The following USP15 variants were observed in gnomAD, a reference collection of about 807,000 sequenced individuals.
The protein encoded by USP15 is ubiquitin specific peptidase 15.
A neutral mutation model predicts 127.1 loss-of-function variants in USP15; 18 were observed. The ratio of observed to expected loss-of-function variants is 0.14; its 90% confidence interval spans 0.10 to 0.21. USP15 has a LOEUF of 0.21. Among genes scored for constraint, USP15 ranks in the 10% least tolerant of loss-of-function variants. The probability of loss-of-function intolerance (pLI) is 1.00; values close to 1 mark genes in which losing one functional copy is unlikely to be tolerated. For synonymous variants in USP15, 364 were observed against 393.7 expected (o/e 0.92, Z 0.89); for missense variants, 805 against 1,159.9 (o/e 0.69, Z 4.44).
intron 6 of USP15, among the ~76,000 whole-genome samples, chr12:62,341,021 A>G (rs1433587379): frequency 1.3e-5 from 2 of 152,156 alleles, no homozygotes; most frequent in Non-Finnish European, 2.9e-5. Context: ...GTCTCTTTCT[A>G]GGTCTCTAAG....
Position 62,384,283 on chromosome 12 carries a change from C to T in USP15, c.1454C>T (p.Pro485Leu), listed in dbSNP as rs1422151086. The T allele has an allele frequency of 3.7e-6, 6 of 1,606,938 alleles. No homozygotes were observed. Among genetic ancestry groups the T allele is most frequent in the African/African-American group, 2.7e-5 (2 of 73,948 alleles). The change falls in exon 11 of 22, where the codon CCA becomes CTA. Residue 485 changes from proline (P) to leucine (L), a missense_variant. Around this residue, in one of 11 missense-constraint regions of USP15, gnomAD observed 82 missense variants for 104.4 expected, o/e 0.79. Coordinates refer to ENST00000280377, the MANE Select transcript of USP15 (RefSeq NM_001252078.2). ...GAAGTTTACTTAGTTAGAATGGATC[C>T]ACTTACCAAACCTATGCAGGTAAAT... Reference protein sequence around the residue: ...TLEVYLVRMDPLTKPMQYKVV... With the variant: ...TLEVYLVRMDLLTKPMQYKVV...
intron 8 of USP15, among the ~76,000 whole-genome samples, chr12:62,373,158 A>G (rs1361812835): frequency 1.3e-5 from 2 of 152,012 alleles, no homozygotes; most frequent in Admixed American, 6.6e-5. Context: ...GGCTTTCAAT[A>G]TGAAAATTAA....
At position 62,389,535 on chromosome 12, in the gene USP15, A is replaced by G. The variant is rs371092343; in HGVS notation, c.1557+21A>G. On this transcript the variant is annotated intron_variant, in intron 12 of 21. Coordinates refer to ENST00000280377, the MANE Select transcript of USP15 (RefSeq NM_001252078.2). ...ATAAGGTAAGATGTTTCTGGGGTTG[A>G]AGTATATAAGTTGGTATTTAGTTTC... The G allele has an allele frequency of 6.9e-5, 111 of 1,612,348 alleles. No individual in the cohort carries two copies. In the African/African-American group the frequency reaches 1.4e-3, roughly 21 times the overall value.
intron 1 of USP15, chr12:62,274,096 A>AC (rs2063411636): frequency 6.6e-6 from 1 of 152,076 alleles, no homozygotes; most frequent in Non-Finnish European, 1.5e-5. Flanking sequence ...AGAACACTGA[A>AC]CTTTAGAGTC....
At chr12:62,318,458 G>A (rs2064896189) in intron 4 of USP15, among the ~76,000 whole-genome samples, 1 of 152,046 alleles carries the variant, frequency 6.6e-6, no homozygotes, top group African/African-American at 2.4e-5. Flanking sequence ...CTCTTCACTT[G>A]GCTTCCTGGG....
At chr12:62,399,370 C>G (rs1418063569) in intron 20 of USP15, among the ~76,000 whole-genome samples, 1 of 152,138 alleles carries the variant, frequency 6.6e-6, no homozygotes, top group African/African-American at 2.4e-5. Flanking sequence ...TGATTTTTAA[C>G]CAGAGTTCAT....
intron 3 of USP15, among the ~76,000 whole-genome samples, chr12:62,304,350 ATGTTCATGTGC>A (rs1288942535): frequency 2.6e-5 from 4 of 152,194 alleles, no homozygotes; most frequent in Non-Finnish European, 1.5e-5. Flanking sequence ...TAGTTTGCAA[ATGTTCATGTGC>A]TATATTACAT....
At chr12:62,400,550 C>T (rs550346871) in intron 20 of USP15, among the ~76,000 whole-genome samples, 2 of 147,734 alleles carry the variant, frequency 1.4e-5, no homozygotes, top group East Asian at 3.9e-4. Context: ...TTCAGGGACG[C>T]AGAACCCATG....
At chr12:62,398,940 A>G (rs1399041242) in intron 20 of USP15, among the ~76,000 whole-genome samples, 1 of 152,202 alleles carries the variant, frequency 6.6e-6, no homozygotes, top group African/African-American at 2.4e-5. Flanking sequence ...AATTATACTT[A>G]TGTTCATAAT....
At chr12:62,361,413 G>A (rs552174234) in intron 8 of USP15, among the ~76,000 whole-genome samples, 1 of 151,914 alleles carries the variant, frequency 6.6e-6, no homozygotes, top group African/African-American at 2.4e-5. Context: ...ACATAATAGA[G>A]ATCTTAGAGA....
At chr12:62,260,940 C>G (rs1214946278) in intron 1 of USP15, among the ~76,000 whole-genome samples, 1 of 152,200 alleles carries the variant, frequency 6.6e-6, no homozygotes, top group East Asian at 1.9e-4. Context: ...TTGTCGGCGT[C>G]CAAGTTCCCT....
In USP15 at chr12:62,268,032, A is replaced by G. The variant is rs144905268; in HGVS notation, c.89+7529A>G. Among the ~76,000 whole-genome samples, 34 of 152,252 alleles carry G rather than the reference A, an allele frequency of 2.2e-4. No homozygotes were observed. The East Asian group carries it at 6.0e-3, about 27-fold the overall frequency. On this transcript the variant is annotated intron_variant, in intron 1 of 21. Transcript: ENST00000280377. Reference sequence around the variant, plus strand: ...TTTAATTCTCAGGAGAGATGTAGCTAAGTATTTATATGTACCACATAGTTG... The same window carrying G: ...TTTAATTCTCAGGAGAGATGTAGCTGAGTATTTATATGTACCACATAGTTG...
At chr12:62,356,201 C>CT (rs1160985125) in intron 8 of USP15, among the ~76,000 whole-genome samples, 1 of 151,616 alleles carries the variant, frequency 6.6e-6, no homozygotes, top group Non-Finnish European at 1.5e-5. Context: ...GAATTTTAAC[C>CT]TTTTTTTCGT....
chr12:62,261,484 A>G (rs1000633369), intron 1 of USP15, among the ~76,000 whole-genome samples: 1 of 152,218 alleles, frequency 6.6e-6, no homozygotes, highest in African/African-American at 2.4e-5. Context: ...TATAATTCAT[A>G]GAGTGTTTCA....
intron 4 of USP15, among the ~76,000 whole-genome samples, chr12:62,319,321 CTG>C (rs1565850228): frequency 6.6e-6 from 1 of 152,170 alleles, no homozygotes; most frequent in East Asian, 1.9e-4. Flanking sequence ...TCCTCAAACA[CTG>C]GGGATTACAA....
chr12:62,322,882 A>G (rs1341941816), intron 5 of USP15, among the ~76,000 whole-genome samples: 1 of 152,196 alleles, frequency 6.6e-6, no homozygotes, highest in East Asian at 1.9e-4. Flanking sequence ...TGAACACACT[A>G]TGCTATTCCA....
intron 6 of USP15, among the ~76,000 whole-genome samples, chr12:62,341,861 G>A (rs2065657198): frequency 6.6e-6 from 1 of 152,056 alleles, no homozygotes; most frequent in Non-Finnish European, 1.5e-5. Context: ...TGTGTCTTGG[G>A]GTTGATCTTC....
chr12:62,356,607 A>G (rs1318507168), intron 8 of USP15, among the ~76,000 whole-genome samples: 1 of 152,022 alleles, frequency 6.6e-6, no homozygotes, highest in African/African-American at 2.4e-5. Context: ...GAAGTGGCCT[A>G]TCTGCCTAAG....
chr12:62,360,840 CAAT>C (rs1272374720), intron 8 of USP15, among the ~76,000 whole-genome samples: 1 of 151,758 alleles, frequency 6.6e-6, no homozygotes, highest in East Asian at 1.9e-4. Flanking sequence ...ATGTTAAACT[CAAT>C]TATGTGAGTT....
Sources: gnomAD v4.1 joint callset for allele counts (sites outside exome capture counted in the v4.1 genomes callset) on GRCh38, gnomAD v4.1.1 for gene constraint, gnomAD v4.1.1 regional missense constraint, MANE v1.5 for transcripts, NCBI Gene and HGNC (gene_info 2026-07-23, HGNC 2026-07-21) for gene names.